The following RASAL2 variants were observed in gnomAD, a reference collection of about 807,000 sequenced individuals.
RASAL2 encodes the protein ras GTPase-activating protein nGAP.
A neutral mutation model predicts 128.9 loss-of-function variants in RASAL2; 58 were observed. That is an observed-to-expected ratio of 0.45 (90% confidence interval 0.36 to 0.56). The LOEUF (loss-of-function observed/expected upper bound fraction) is 0.56, where lower values mean the gene tolerates loss of function less well. Ranked by LOEUF, RASAL2 falls within the 20% of genes least tolerant of loss-of-function variation. RASAL2 has a pLI of 0.00. For synonymous variants in RASAL2, 561 were observed against 580.8 expected, an observed-to-expected ratio of 0.97 and a Z score of 0.49; for missense variants, 1,360 against 1,601.6, an observed-to-expected ratio of 0.85 and a Z score of 2.57.
chr1:178,245,755 G>A (rs549707523), intron 1 of RASAL2, among the ~76,000 whole-genome samples: 21 of 152,280 alleles, frequency 1.4e-4, no homozygotes, highest in African/African-American at 3.6e-4. Flanking sequence ...TGAGGTGCAA[G>A]GAAGGGGTCC....
At chr1:178,151,914 G>A (rs1660927248) in intron 1 of RASAL2, among the ~76,000 whole-genome samples, 1 of 152,192 alleles carries the variant, frequency 6.6e-6, no homozygotes, top group Non-Finnish European at 1.5e-5. Context: ...TAACATCCTG[G>A]CTGAGGTGTA....
At chr1:178,141,997 G>A (rs1275225725) in intron 1 of RASAL2, among the ~76,000 whole-genome samples, 1 of 152,106 alleles carries the variant, frequency 6.6e-6, no homozygotes, top group African/African-American at 2.4e-5. Flanking sequence ...TAGTACAGCA[G>A]CATGGAGGAG....
intron 1 of RASAL2, among the ~76,000 whole-genome samples, chr1:178,156,636 C>A (rs1383531333): frequency 6.6e-6 from 1 of 152,074 alleles, no homozygotes; most frequent in Non-Finnish European, 1.5e-5. Context: ...TCTTTTTGAA[C>A]CACTCAATAA....
At chr1:178,455,997 A>G (rs387933) in intron 12 of RASAL2, among the ~76,000 whole-genome samples, 145,997 of 152,370 alleles carry the variant, frequency 0.96, 70,005 homozygotes, top group East Asian at 1. Flanking sequence ...GGGCTTTGCT[A>G]TGTAAACACA....
chr1:178,249,549 G>A (rs1003624205), intron 1 of RASAL2, among the ~76,000 whole-genome samples: 25 of 152,042 alleles, frequency 1.6e-4, no homozygotes, highest in African/African-American at 5.5e-4. Context: ...CTGTCAGCTC[G>A]TCAAACTCAT....
At chr1:178,147,047 C>T (rs1660752811) in intron 1 of RASAL2, among the ~76,000 whole-genome samples, 1 of 152,168 alleles carries the variant, frequency 6.6e-6, no homozygotes, top group Non-Finnish European at 1.5e-5. Context: ...TCTGAGGTTA[C>T]AGATTTTAAC....
chr1:178,288,223 A>G lies in RASAL2; in HGVS notation c.330+4532A>G, dbSNP rs529279192. On this transcript the variant is annotated intron_variant, in intron 2 of 17. Coordinates refer to ENST00000367649, the MANE Select transcript of RASAL2 (RefSeq NM_170692.4). Reference sequence around the variant, plus strand: ...ATTGTGGACTAGTCACAATTTGCAGATAGCACAGGAGCTTGAACTACACTT... The same window carrying G: ...ATTGTGGACTAGTCACAATTTGCAGGTAGCACAGGAGCTTGAACTACACTT... Among the ~76,000 whole-genome samples, 122 of 152,334 alleles carry G rather than the reference A, an allele frequency of 8.0e-4. 1 individual carries two copies. The highest frequency in any genetic ancestry group is 2.9e-3 in the African/African-American group (120 of 41,580).
At chr1:178,164,508 T>TGTGTGTGTGTGTGC (rs1661449650) in intron 1 of RASAL2, among the ~76,000 whole-genome samples, 1 of 94,000 alleles carries the variant, frequency 1.1e-5, no homozygotes, top group African/African-American at 3.5e-5. Context: ...TGTGTGTGCG[T>TGTGTGTGTGTGTGC]GTGTGTGTGT....
At chr1:178,278,843 C>T (rs1666646057) in intron 1 of RASAL2, among the ~76,000 whole-genome samples, 1 of 152,090 alleles carries the variant, frequency 6.6e-6, no homozygotes, top group African/African-American at 2.4e-5. Flanking sequence ...CTGAAATTTC[C>T]AGCTCTATCA....
chr1:178,388,032 A>G (rs985859719), intron 3 of RASAL2, among the ~76,000 whole-genome samples: 1 of 152,158 alleles, frequency 6.6e-6, no homozygotes, highest in Non-Finnish European at 1.5e-5. Context: ...ATCCCAGCTA[A>G]TGAAATTTAT....
intron 1 of RASAL2, among the ~76,000 whole-genome samples, chr1:178,204,827 G>T (rs74128886): frequency 6.6e-6 from 1 of 152,116 alleles, no homozygotes; most frequent in Non-Finnish European, 1.5e-5. Flanking sequence ...GTGATTTAGC[G>T]TGTGCTTTCT....
At position 178,474,857 on chromosome 1, in the gene RASAL2, A is replaced by C. The variant is rs2102980513; in HGVS notation, c.*1618A>C. ...AGAAAGCAACAATGTTTCTCGAATA[A>C]GTTGATGTTGATTTTAAATTATAAG... On this transcript the variant is annotated 3_prime_UTR_variant, in exon 18 of 18. Transcript: ENST00000367649. 1 of 152,298 alleles carries C rather than the reference A, an allele frequency of 6.6e-6. No individual in the cohort carries two copies. The highest frequency in any genetic ancestry group is 1.5e-5 in the Non-Finnish European group (1 of 68,026). 9.4% of individuals were successfully genotyped at this position (152,298 alleles called of 1,614,324 possible).
intron 3 of RASAL2, among the ~76,000 whole-genome samples, chr1:178,336,751 G>A (rs780968477): frequency 5.9e-5 from 9 of 151,862 alleles, no homozygotes; most frequent in Non-Finnish European, 8.8e-5. Context: ...CACGTCCTTG[G>A]CTCTCTGAGC....
chr1:178,149,460 G>A (rs1660838989), intron 1 of RASAL2, among the ~76,000 whole-genome samples: 1 of 151,784 alleles, frequency 6.6e-6, no homozygotes, highest in African/African-American at 2.4e-5. Context: ...ATTTTTGCCA[G>A]TACCTCTTTA....
chr1:178,213,137 G>A (rs1663312137), intron 1 of RASAL2, among the ~76,000 whole-genome samples: 1 of 152,110 alleles, frequency 6.6e-6, no homozygotes, highest in African/African-American at 2.4e-5. Context: ...CCTGGCTCAA[G>A]CAATACTGCC....
intron 1 of RASAL2, among the ~76,000 whole-genome samples, chr1:178,247,777 C>T (rs1664841568): frequency 1.3e-5 from 2 of 152,150 alleles, no homozygotes; most frequent in South Asian, 4.1e-4. Flanking sequence ...TGTCTTTATT[C>T]TCATTGGTTT....
At chr1:178,411,815 A>G (rs1443601637) in intron 4 of RASAL2, 22 of 770,612 alleles carry the variant, frequency 2.9e-5, no homozygotes, top group Non-Finnish European at 9.7e-6. Context: ...CAGAGGTGCA[A>G]GGAGCCAGGT....
chr1:178,349,845 A>G (rs756142889), intron 3 of RASAL2, among the ~76,000 whole-genome samples: 1 of 152,222 alleles, frequency 6.6e-6, no homozygotes, highest in Non-Finnish European at 1.5e-5. Context: ...ACGAAAAATA[A>G]CAGCTTTTTC....
chr1:178,264,616 A>G (rs1194798995), intron 1 of RASAL2, among the ~76,000 whole-genome samples: 1 of 152,180 alleles, frequency 6.6e-6, no homozygotes, highest in African/African-American at 2.4e-5. Flanking sequence ...GAACAGCCAG[A>G]TGAGGAAGTA....
Sources: allele counts gnomAD v4.1 joint callset (sites outside exome capture counted in the v4.1 genomes callset), GRCh38; gene constraint gnomAD v4.1.1; transcripts MANE v1.5; gene names NCBI Gene and HGNC (gene_info 2026-07-23, HGNC 2026-07-21).